Variants in ALX1 observed in about 807,000 individuals in gnomAD.
ALX1 encodes ALX homeobox 1.
Under a neutral mutation model 31.7 loss-of-function variants are expected in ALX1, and 19 were observed. The observed-to-expected ratio is 0.60, with a 90% CI of 0.42 to 0.88. The LOEUF (loss-of-function observed/expected upper bound fraction) is 0.88. ALX1 is among the 40% of genes least tolerant of loss of function. ALX1 has a pLI of 0.00. For missense variants in ALX1, 415 were observed against 407.8 expected, an observed-to-expected ratio of 1.02 and a Z score of -0.15; for synonymous variants, 153 against 148.8, an observed-to-expected ratio of 1.03 and a Z score of -0.20.
At position 85,291,436 on chromosome 12, in the gene ALX1, G is replaced by A. The variant is rs951223531; in HGVS notation, c.660+4455G>A. On this transcript the variant is annotated intron_variant, in intron 3 of 3. Coordinates refer to ENST00000316824, the MANE Select transcript of ALX1 (RefSeq NM_006982.3). ...AATTTAAAAAGTGAGCAAAGATCTA[G>A]TGATATTACATTTTAACTTGTTTCT... Among the ~76,000 whole-genome samples, 9 of 151,094 alleles carry A rather than the reference G, an allele frequency of 6.0e-5. No individual in the cohort carries two copies. The East Asian group carries it at 1.7e-3, about 29-fold the overall frequency.
rs568150157 is a variant in ALX1, at chr12:85,280,581, A to AC, written c.226+94_226+95insC. 1,653 of 1,373,496 alleles carry AC rather than the reference A, an allele frequency of 1.2e-3. 12 individuals carry two copies. The African/African-American group carries it at 0.022, about 18-fold the overall frequency. 85.1% of individuals were successfully genotyped at this position (1,373,496 alleles called of 1,614,324 possible). On this transcript the variant is annotated intron_variant, in intron 1 of 3. Coordinates refer to ENST00000316824, the MANE Select transcript of ALX1 (RefSeq NM_006982.3). ...ATCAGGCAGGGAGGGAGAAAGGAGA[A>AC]AAGTGGGAGCGAGGGACCTGGAAGG...
intron 3 of ALX1, among the ~76,000 whole-genome samples, chr12:85,300,710 G>A (rs192370462): frequency 7.2e-5 from 11 of 152,076 alleles, no homozygotes; most frequent in Admixed American, 2.6e-4. Context: ...GGTTTCCAAC[G>A]AAAACTGCCA....
intron 1 of ALX1, among the ~76,000 whole-genome samples, chr12:85,281,793 A>G (rs1896677640): frequency 6.6e-6 from 1 of 152,176 alleles, no homozygotes; most frequent in Admixed American, 6.5e-5. Flanking sequence ...CAGACCTGGT[A>G]TCTGTATTTG....
chr12:85,292,592 C>A (rs1055517819), intron 3 of ALX1, among the ~76,000 whole-genome samples: 1 of 151,016 alleles, frequency 6.6e-6, no homozygotes, highest in Non-Finnish European at 1.5e-5. Flanking sequence ...TAATTTAATA[C>A]ATAGATTAAA....
rs1359039660 is a variant in ALX1 at position 85,301,781 on chromosome 12, C to T, written c.*306C>T. The T allele has an allele frequency of 2.8e-6, 1 of 352,592 alleles. No homozygotes were observed. Among genetic ancestry groups the T allele is most frequent in the African/African-American group, 2.1e-5 (1 of 47,354 alleles). The allele number at this position is 352,592 out of a possible 1,614,324, so 21.8% of individuals were successfully genotyped here. On this transcript the variant is annotated 3_prime_UTR_variant, in exon 4 of 4. Coordinates refer to ENST00000316824, the MANE Select transcript of ALX1 (RefSeq NM_006982.3). ...CTTATTAAAGAATAAATGTGTTAAA[C>T]AAATTCTTCTGTTATAGATTGATTT... is the stretch of plus-strand genomic sequence containing the variant.
At chr12:85,299,946 A>G (rs1896942084) in intron 3 of ALX1, among the ~76,000 whole-genome samples, 1 of 152,000 alleles carries the variant, frequency 6.6e-6, no homozygotes, top group Non-Finnish European at 1.5e-5. Context: ...TGATGTGATT[A>G]ACATGTGTAT....
At chr12:85,298,250 G>A (rs1307113005) in intron 3 of ALX1, among the ~76,000 whole-genome samples, 1 of 151,708 alleles carries the variant, frequency 6.6e-6, no homozygotes, top group African/African-American at 2.4e-5. Flanking sequence ...CTTCAGCTCT[G>A]TTCTATAGTG....
At chr12:85,289,417 A>T (rs1186897639) in intron 3 of ALX1, among the ~76,000 whole-genome samples, 1 of 151,240 alleles carries the variant, frequency 6.6e-6, no homozygotes, top group African/African-American at 2.4e-5. Flanking sequence ...CTAGACACCG[A>T]TGGAGGAACG....
chr12:85,289,295 CA>C (rs1896787413), intron 3 of ALX1, among the ~76,000 whole-genome samples: 1 of 151,008 alleles, frequency 6.6e-6, no homozygotes, highest in African/African-American at 2.4e-5. Context: ...TATAAATGCT[CA>C]ATATGACTCA....
rs1405429661 is a variant in ALX1, at chr12:85,290,400, A to G, written c.660+3419A>G. Among the ~76,000 whole-genome samples the G allele has an allele frequency of 2.0e-5, 3 of 151,112 alleles. No individual in the cohort carries two copies. The East Asian group carries it at 5.8e-4, about 29-fold the overall frequency. On this transcript the variant is annotated intron_variant, in intron 3 of 3. Coordinates refer to ENST00000316824, the MANE Select transcript of ALX1 (RefSeq NM_006982.3). ...TTATCTCTTTAATTCATCACTGAAG[A>G]GTGAAATTATTCAAATTGGATCCTA...
chr12:85,294,192 A>G (rs1167672546), intron 3 of ALX1, among the ~76,000 whole-genome samples: 1 of 151,226 alleles, frequency 6.6e-6, no homozygotes, highest in East Asian at 1.9e-4. Flanking sequence ...ATTTATGCAT[A>G]AAAGCTTAAT....
chr12:85,290,832 G>T (rs552360749), intron 3 of ALX1, among the ~76,000 whole-genome samples: 1 of 151,042 alleles, frequency 6.6e-6, no homozygotes, highest in African/African-American at 2.4e-5. Flanking sequence ...AAGCCTCTGG[G>T]ATGTGCCATC....
rs761403611 is a variant in ALX1 at position 85,280,441 on chromosome 12, G to A, written c.180G>A (p.Glu60=). ...CCTTCGGACCCCTGCCCCGCGCCGAGCATCACGTGCGCTTGGAGAGGACCT... is the reference window on the plus strand; with the variant it reads ...CCTTCGGACCCCTGCCCCGCGCCGAACATCACGTGCGCTTGGAGAGGACCT... The part of the protein sequence containing the change: ...VQAFGPLPRA[E]HHVRLERTSP... Residue 60 remains glutamate, a synonymous_variant, in exon 1 of 4, where the codon GAG becomes GAA. Transcript: ENST00000316824. 9.3e-6 allele frequency: 15 copies of A among 1,612,198 alleles called. No homozygotes were observed. Among genetic ancestry groups the A allele is most frequent in the South Asian group, 6.6e-5 (6 of 91,012 alleles).
chr12:85,292,056 G>C (rs981352899), intron 3 of ALX1, among the ~76,000 whole-genome samples: 6 of 151,026 alleles, frequency 4.0e-5, no homozygotes, highest in African/African-American at 1.5e-4. Context: ...GCATTGCCTA[G>C]TACAAAACAG....
At chr12:85,300,305 T>C (rs973182358) in intron 3 of ALX1, among the ~76,000 whole-genome samples, 1 of 152,052 alleles carries the variant, frequency 6.6e-6, no homozygotes, top group African/African-American at 2.4e-5. Context: ...GATTTAATAA[T>C]ACGAAGTGTG....
intron 3 of ALX1, among the ~76,000 whole-genome samples, chr12:85,299,612 A>G (rs1896935884): frequency 6.6e-6 from 1 of 151,834 alleles, no homozygotes; most frequent in African/African-American, 2.4e-5. Context: ...GCACCTTGCC[A>G]ATCACTGAAA....
intron 3 of ALX1, among the ~76,000 whole-genome samples, chr12:85,295,690 C>A (rs952862483): frequency 6.6e-6 from 1 of 151,114 alleles, no homozygotes; most frequent in African/African-American, 2.4e-5. Flanking sequence ...GCATGTGATG[C>A]GAGAATTGTG....
At chr12:85,291,357 T>C (rs574486627) in intron 3 of ALX1, among the ~76,000 whole-genome samples, 1 of 151,268 alleles carries the variant, frequency 6.6e-6, no homozygotes, top group South Asian at 2.1e-4. Context: ...TTGCAAACAC[T>C]TCTTGGTGCA....
At position 85,301,170 on chromosome 12, in the gene ALX1, T is replaced by C; in HGVS notation, c.676T>C (p.Trp226Arg). Reference protein sequence around the residue: ...DSYPQIQNNLWAGNASGGSVV... With the variant: ...DSYPQIQNNLRAGNASGGSVV... ...TATATTCCAGATTCAGAACAATTTG[T>C]GGGCAGGAAATGCAAGTGGTGGTTC... The change falls in exon 4 of 4, where the codon TGG becomes CGG. Residue 226 changes from tryptophan to arginine, a missense_variant. Physicochemically the swap from Trp to Arg is moderately radical, Grantham distance 101. This residue lies in a region of ALX1 where 174 missense variants were observed against 177.5 expected (regional missense o/e 0.98). Transcript: ENST00000316824. The C allele has an allele frequency of 2.5e-6, 4 of 1,614,026 alleles. No homozygotes were observed. Among genetic ancestry groups the C allele is most frequent in the East Asian group, 2.2e-5 (1 of 44,878 alleles).
Sources: gnomAD v4.1 joint callset for allele counts (sites outside exome capture counted in the v4.1 genomes callset) on GRCh38, gnomAD v4.1.1 for gene constraint, gnomAD v4.1.1 regional missense constraint, MANE v1.5 for transcripts, NCBI Gene and HGNC (gene_info 2026-07-23, HGNC 2026-07-21) for gene names.